RBFOX1: variants seen among roughly 807,000 people sequenced by gnomAD.
RBFOX1 encodes RNA binding fox-1 homolog 1.
A neutral mutation model predicts 57.7 loss-of-function variants in RBFOX1; 8 were observed. The ratio of observed to expected loss-of-function variants is 0.14; its 90% CI spans 0.08 to 0.25. RBFOX1 has a LOEUF of 0.25. Ranked by LOEUF, RBFOX1 falls within the 10% of genes least tolerant of loss-of-function variation. RBFOX1 has a pLI of 1.00. For synonymous variants in RBFOX1, 326 were observed against 222.4 expected (o/e 1.47, Z -4.15); for missense variants, 611 against 548.5 (o/e 1.11, Z -1.14).
At chr16:7,580,426 A>C (rs111770148) in intron 6 of RBFOX1, among the ~76,000 whole-genome samples, 251 of 152,318 alleles carry the variant, frequency 1.6e-3, no homozygotes, top group African/African-American at 5.7e-3. Flanking sequence ...AGCTGATTTT[A>C]GCAAACAAAA....
chr16:7,393,489 T>C (rs964750474), intron 4 of RBFOX1, among the ~76,000 whole-genome samples: 3 of 152,154 alleles, frequency 2.0e-5, no homozygotes, highest in Non-Finnish European at 4.4e-5. Flanking sequence ...CCATCTGTCT[T>C]AGGTCAGATT....
At chr16:5,436,055 C>G (rs1172145892) in intron 1 of RBFOX1, among the ~76,000 whole-genome samples, 2 of 152,198 alleles carry the variant, frequency 1.3e-5, no homozygotes, top group African/African-American at 2.4e-5. Flanking sequence ...CAAACTAAAA[C>G]AAGCCCGTCT....
At chr16:6,899,073 C>G (rs527247271) in intron 3 of RBFOX1, among the ~76,000 whole-genome samples, 3 of 136,264 alleles carry the variant, frequency 2.2e-5, no homozygotes, top group South Asian at 2.4e-4. Flanking sequence ...ATGTATTACA[C>G]ACATGTACAC....
chr16:6,597,850 A>G (rs990185024), intron 2 of RBFOX1, among the ~76,000 whole-genome samples: 8 of 152,124 alleles, frequency 5.3e-5, no homozygotes, highest in African/African-American at 1.9e-4. Flanking sequence ...TGTGGTGTTG[A>G]TCCTTGGAGC....
At chr16:6,641,756 AAAAAAAAAAAAAAAAAAAAAAAT>A (rs1158053649) in intron 2 of RBFOX1, among the ~76,000 whole-genome samples, 14 of 22,164 alleles carry the variant, frequency 6.3e-4, no homozygotes, top group South Asian at 4.7e-3. Context: ...AAAAAAAAAA[AAAAAAAAAAAAAAAAAAAAAAAT>A]AGGTTCTGCC....
intron 4 of RBFOX1, among the ~76,000 whole-genome samples, chr16:7,215,351 A>G (rs1035484474): frequency 9.2e-5 from 14 of 152,210 alleles, no homozygotes; most frequent in African/African-American, 2.2e-4. Flanking sequence ...TCATTCTTCT[A>G]TAAAGACACC....
intron 4 of RBFOX1, among the ~76,000 whole-genome samples, chr16:5,887,078 C>T (rs746917360): frequency 1.1e-4 from 16 of 152,108 alleles, no homozygotes; most frequent in Non-Finnish European, 2.1e-4. Flanking sequence ...CATTTTCTCC[C>T]CAGGTTGTGA....
chr16:7,567,491 ATGTATATC>A (rs2092109067), intron 5 of RBFOX1, among the ~76,000 whole-genome samples: 1 of 24,958 alleles, frequency 4.0e-5, no homozygotes, highest in Non-Finnish European at 1.0e-4. Flanking sequence ...ATGGCCCTAT[ATGTATATC>A]CCTATGTATG....
rs8047363 is a variant in RBFOX1 at position 6,097,081 on chromosome 16, T to C, written c.-127+77089T>C. On this transcript the variant is annotated intron_variant, in intron 1 of 15. Transcript: ENST00000550418. This position sits in a 1 kb window ranked among gnomAD's most constrained non-coding sequence, Gnocchi z 5.0. ...GGTTTCCCCCATACTGTTGTCATGG[T>C]GGTGAGTAAGTCTTACTAGATCTGA... 0.46 allele frequency among the ~76,000 whole-genome samples: 69,181 copies of C among 151,920 alleles called. 16,491 individuals are homozygous for C. Among genetic ancestry groups the C allele is most frequent in the East Asian group, 0.66 (3,391 of 5,146 alleles).
At chr16:5,409,666 C>T (rs575260893) in intron 1 of RBFOX1, among the ~76,000 whole-genome samples, 2 of 152,298 alleles carry the variant, frequency 1.3e-5, no homozygotes, top group South Asian at 4.1e-4. Flanking sequence ...AGCGTATATT[C>T]ATTCCAGCCA....
intron 3 of RBFOX1, among the ~76,000 whole-genome samples, chr16:6,746,234 G>A (rs1002586968): frequency 2.6e-5 from 4 of 151,900 alleles, no homozygotes; most frequent in Non-Finnish European, 4.4e-5. Context: ...ACCCCAGCAG[G>A]CCTTTTTTTC....
At chr16:5,702,762 A>T (rs1016324764) in intron 3 of RBFOX1, among the ~76,000 whole-genome samples, 1 of 152,196 alleles carries the variant, frequency 6.6e-6, no homozygotes, top group Non-Finnish European at 1.5e-5. Context: ...ATGCATGAAC[A>T]TGCTGCTTGG....
intron 3 of RBFOX1, among the ~76,000 whole-genome samples, chr16:6,866,661 C>A (rs2059981736): frequency 6.7e-6 from 1 of 149,922 alleles, no homozygotes; most frequent in African/African-American, 2.5e-5. Context: ...CCTGCCTCAG[C>A]CTTCCGAGTA....
intron 3 of RBFOX1, among the ~76,000 whole-genome samples, chr16:6,865,761 G>A (rs923646744): frequency 2.0e-5 from 3 of 152,020 alleles, no homozygotes; most frequent in Non-Finnish European, 4.4e-5. Flanking sequence ...TTTATTTGTT[G>A]TTATTTTTTC....
intron 5 of RBFOX1, among the ~76,000 whole-genome samples, chr16:7,574,782 A>T (rs976631434): frequency 1.6e-4 from 25 of 152,124 alleles, no homozygotes; most frequent in African/African-American, 6.0e-4. Flanking sequence ...AATCAAGTTG[A>T]CACTCAGTGT....
At chr16:6,837,002 C>A (rs2093147867) in intron 3 of RBFOX1, among the ~76,000 whole-genome samples, 2 of 152,180 alleles carry the variant, frequency 1.3e-5, no homozygotes, top group South Asian at 4.2e-4. Flanking sequence ...CATAGCTTCT[C>A]ACGGATGAAC....
chr16:7,207,914 C>T (rs2090326515), intron 4 of RBFOX1, among the ~76,000 whole-genome samples: 1 of 152,174 alleles, frequency 6.6e-6, no homozygotes, highest in South Asian at 2.1e-4. Context: ...CCACAGGGTG[C>T]ATCCTCTCCT....
chr16:7,228,529 T>G (rs185212098), intron 4 of RBFOX1, among the ~76,000 whole-genome samples: 4 of 152,274 alleles, frequency 2.6e-5, no homozygotes, highest in Admixed American at 2.6e-4. Context: ...GCAATGAAAT[T>G]TTACAGATTG....
At chr16:5,674,637 G>C (rs1319747074) in intron 3 of RBFOX1, among the ~76,000 whole-genome samples, 1 of 152,168 alleles carries the variant, frequency 6.6e-6, no homozygotes, top group African/African-American at 2.4e-5. Flanking sequence ...AAGTTATTGT[G>C]GGTTTTGCCA....
Sources: allele counts gnomAD v4.1 joint callset (sites outside exome capture counted in the v4.1 genomes callset), GRCh38; gene constraint gnomAD v4.1.1; non-coding constraint Gnocchi (gnomAD v3.1); transcripts MANE v1.5; gene names NCBI Gene and HGNC (gene_info 2026-07-23, HGNC 2026-07-21).